CDYL2: variants seen among roughly 807,000 people sequenced by gnomAD.
CDYL2 encodes chromodomain Y like 2, also known as chromodomain Y-like protein 2.
Under a neutral mutation model 49.4 loss-of-function variants are expected in CDYL2, and 23 were observed. The observed-to-expected ratio is 0.47, with a 90% confidence interval of 0.34 to 0.66. The LOEUF (loss-of-function observed/expected upper bound fraction) is 0.66, where lower values mean the gene tolerates loss of function less well. CDYL2 is among the 30% of genes least tolerant of loss of function. The probability of loss-of-function intolerance (pLI) is 0.01; values close to 1 mark genes in which losing one functional copy is unlikely to be tolerated. For missense variants in CDYL2, 678 were observed against 656.4 expected, an observed-to-expected ratio of 1.03 and a Z score of -0.36; for synonymous variants, 360 against 268.8, an observed-to-expected ratio of 1.34 and a Z score of -3.32.
chr16:80,687,826 T>TCTATCTCA (rs1910259725), intron 1 of CDYL2, among the ~76,000 whole-genome samples: 1 of 152,202 alleles, frequency 6.6e-6, no homozygotes. Context: ...CGCCTATCTC[T>TCTATCTCA]TGGGGTTGTT....
At chr16:80,617,262 G>A (rs1377094746) in intron 4 of CDYL2, among the ~76,000 whole-genome samples, 1 of 152,196 alleles carries the variant, frequency 6.6e-6, no homozygotes, top group East Asian at 1.9e-4. Flanking sequence ...TACCACTCAC[G>A]GGGTGCCAAG....
At chr16:80,665,442 T>C (rs1555528389) in intron 2 of CDYL2, among the ~76,000 whole-genome samples, 1 of 151,100 alleles carries the variant, frequency 6.6e-6, no homozygotes, top group South Asian at 2.1e-4. Flanking sequence ...TTGTGACCAG[T>C]TGTTTCTCAT....
chr16:80,617,286 C>T (rs1906874751), intron 4 of CDYL2, among the ~76,000 whole-genome samples: 1 of 152,236 alleles, frequency 6.6e-6, no homozygotes, highest in Non-Finnish European at 1.5e-5. Flanking sequence ...ATGCGGCATG[C>T]CTGGTCAGCC....
intron 2 of CDYL2, among the ~76,000 whole-genome samples, chr16:80,655,161 A>G (rs1908750637): frequency 6.6e-6 from 1 of 152,206 alleles, no homozygotes; most frequent in Non-Finnish European, 1.5e-5. Context: ...GGTGTCAATT[A>G]TTGAACAGTC....
At chr16:80,641,006 G>C (rs182353074) in intron 2 of CDYL2, among the ~76,000 whole-genome samples, 1 of 152,294 alleles carries the variant, frequency 6.6e-6, no homozygotes, top group African/African-American at 2.4e-5. Context: ...TTAAAGAGGA[G>C]GTAGGGAAAA....
At chr16:80,664,048 G>C (rs1265315752) in intron 2 of CDYL2, among the ~76,000 whole-genome samples, 1 of 151,064 alleles carries the variant, frequency 6.6e-6, no homozygotes, top group Non-Finnish European at 1.5e-5. Context: ...CAGGATCCTG[G>C]TATGTGGCAA....
At chr16:80,789,011 T>C (rs1160477606) in intron 1 of CDYL2, among the ~76,000 whole-genome samples, 3 of 151,978 alleles carry the variant, frequency 2.0e-5, no homozygotes, top group Non-Finnish European at 4.4e-5. Flanking sequence ...CAAAAATATA[T>C]ATTAAAAAAT....
chr16:80,697,660 T>C (rs1316143887), intron 1 of CDYL2, among the ~76,000 whole-genome samples: 1 of 152,048 alleles, frequency 6.6e-6, no homozygotes, highest in African/African-American at 2.4e-5. Context: ...CATGATCTTA[T>C]ATATATATAA....
At chr16:80,803,028 G>C (rs1228738393) in intron 1 of CDYL2, among the ~76,000 whole-genome samples, 1 of 152,230 alleles carries the variant, frequency 6.6e-6, no homozygotes, top group Non-Finnish European at 1.5e-5. Flanking sequence ...CGGAGGCCCA[G>C]AAGGCCCTCT....
intron 1 of CDYL2, among the ~76,000 whole-genome samples, chr16:80,710,341 C>T (rs1406462319): frequency 6.6e-6 from 1 of 152,178 alleles, no homozygotes; most frequent in Non-Finnish European, 1.5e-5. Context: ...CAAATTGGTA[C>T]AACCCTTCCA....
chr16:80,616,628 C>T (rs544135331), intron 4 of CDYL2, among the ~76,000 whole-genome samples: 39 of 152,224 alleles, frequency 2.6e-4, no homozygotes, highest in Admixed American at 5.2e-4. Context: ...CATCCTGGGG[C>T]CCCCAGAGAG....
chr16:80,601,275 G>C lies in CDYL2; in HGVS notation c.*3113C>G, dbSNP rs1443138166. 3.9e-5 allele frequency: 6 copies of C among 152,406 alleles called. No homozygotes were observed. The East Asian group carries it at 7.7e-4, about 20-fold the overall frequency. The allele number at this position is 152,406 out of a possible 1,614,324, so 9.4% of individuals were successfully genotyped here. A position where few individuals can be genotyped will look rare whatever the true frequency, so the allele number is the denominator to read the frequency against. On this transcript the variant is annotated 3_prime_UTR_variant, in exon 7 of 7. Transcript: ENST00000570137. ...GCCATCACCGGGGTTGGGGCAGAGAGGGAAGGAGAGTTCCACTGCATGGCT... is the reference window on the plus strand; with the variant it reads ...GCCATCACCGGGGTTGGGGCAGAGACGGAAGGAGAGTTCCACTGCATGGCT...
chr16:80,670,771 T>C (rs1484601726), intron 2 of CDYL2, among the ~76,000 whole-genome samples: 3 of 152,148 alleles, frequency 2.0e-5, no homozygotes, highest in East Asian at 1.9e-4. Flanking sequence ...TGTTGCAACA[T>C]AAAAAGTGTG....
At chr16:80,658,259 A>C (rs939285145) in intron 2 of CDYL2, among the ~76,000 whole-genome samples, 2 of 152,140 alleles carry the variant, frequency 1.3e-5, no homozygotes, top group African/African-American at 4.8e-5. Flanking sequence ...AGTATGTTAA[A>C]ACATGTTAAG....
intron 1 of CDYL2, among the ~76,000 whole-genome samples, chr16:80,749,212 TA>T (rs35226558): frequency 6.6e-6 from 1 of 152,192 alleles, no homozygotes; most frequent in Non-Finnish European, 1.5e-5. Context: ...ATTTATGATT[TA>T]AAAAACAACA....
chr16:80,633,104 C>A lies in CDYL2; in HGVS notation c.749G>T (p.Arg250Leu), dbSNP rs773366284. 6.2e-7 allele frequency: 1 copy of A among 1,614,142 alleles called. No homozygotes were observed. The highest frequency in any genetic ancestry group is 1.7e-5 in the Admixed American group (1 of 60,018). Residue 250 changes from arginine to leucine, a missense_variant, in exon 3 of 7, where the codon CGA (arginine) becomes CTA (leucine). Physicochemically the swap from Arg to Leu is moderately radical, Grantham distance 102. Transcript: ENST00000570137. ...VRQNESNCRF[R>L]DIVVRKEEGF... ...TTCTTCCTTCCGCACAACGATGTCT[C>A]GAAACCGACAGTTGCTTTCATTCTG...
chr16:80,695,944 C>T (rs180917898), intron 1 of CDYL2, among the ~76,000 whole-genome samples: 216 of 152,288 alleles, frequency 1.4e-3, no homozygotes, highest in African/African-American at 4.9e-3. Flanking sequence ...TGCTGCAGAA[C>T]GCATATTCTT....
intron 1 of CDYL2, among the ~76,000 whole-genome samples, chr16:80,737,288 T>C (rs1030867712): frequency 2.6e-5 from 4 of 152,170 alleles, no homozygotes; most frequent in Non-Finnish European, 5.9e-5. Flanking sequence ...CTTTCTGGTA[T>C]AGTGGCTTTT....
intron 1 of CDYL2, among the ~76,000 whole-genome samples, chr16:80,698,130 A>G (rs1458574981): frequency 6.6e-6 from 1 of 152,170 alleles, no homozygotes; most frequent in East Asian, 1.9e-4. Flanking sequence ...GCATCATACT[A>G]CCTGACTTCA....
Sources: gnomAD v4.1 joint callset for allele counts (sites outside exome capture counted in the v4.1 genomes callset) on GRCh38, gnomAD v4.1.1 for gene constraint, MANE v1.5 for transcripts, NCBI Gene and HGNC (gene_info 2026-07-23, HGNC 2026-07-21) for gene names.